Variants in SGCZ observed in about 807,000 individuals in gnomAD.
SGCZ encodes sarcoglycan zeta.
In SGCZ, 40 loss-of-function variants were observed where a neutral mutation model predicts 41.3. The observed-to-expected ratio is 0.97, with a 90% confidence interval of 0.75 to 1.26. SGCZ has a LOEUF of 1.26. SGCZ is among the 50% of genes most tolerant of loss of function. SGCZ has a pLI of 0.00. For synonymous variants in SGCZ, 206 were observed against 137.5 expected, an observed-to-expected ratio of 1.50 and a Z score of -3.49; for missense variants, 552 against 369.8, an observed-to-expected ratio of 1.49 and a Z score of -4.04.
At chr8:14,233,982 T>A (rs79501277) in intron 4 of SGCZ, among the ~76,000 whole-genome samples, 5,040 of 152,010 alleles carry the variant, frequency 0.033, 124 homozygotes, top group South Asian at 0.07. Flanking sequence ...GAAGAGAAAT[T>A]TGGAGGAAGA....
At chr8:14,554,952 GA>G (rs1563407702) in intron 1 of SGCZ, 26 bp from the exon 2 acceptor site, 1 of 1,437,316 alleles carries the variant, frequency 7.0e-7, no homozygotes, top group South Asian at 1.6e-5. Flanking sequence ...GAAAGAAAGA[GA>G]AAGAAGGAAA....
At chr8:14,473,825 C>T (rs1037832680) in intron 2 of SGCZ, among the ~76,000 whole-genome samples, 4 of 151,448 alleles carry the variant, frequency 2.6e-5, no homozygotes, top group African/African-American at 9.7e-5. Flanking sequence ...GTAGTCCCAG[C>T]TACTCGGGAA....
chr8:15,045,359 G>A (rs1286151190), intron 1 of SGCZ, among the ~76,000 whole-genome samples: 1 of 151,976 alleles, frequency 6.6e-6, no homozygotes, highest in East Asian at 1.9e-4. Context: ...CTTATCCAGT[G>A]GTAAAGCAAT....
chr8:14,744,423 G>C (rs1313856391), intron 1 of SGCZ, among the ~76,000 whole-genome samples: 2 of 152,080 alleles, frequency 1.3e-5, no homozygotes, highest in Non-Finnish European at 2.9e-5. Flanking sequence ...CTATCCATAG[G>C]GCTTGGTCTG....
chr8:14,947,780 C>T (rs972585042), intron 1 of SGCZ, among the ~76,000 whole-genome samples: 1 of 152,146 alleles, frequency 6.6e-6, no homozygotes, highest in South Asian at 2.1e-4. Flanking sequence ...CAGGGCATCT[C>T]GTTCAGTATA....
At chr8:14,500,018 T>G (rs765454646) in intron 2 of SGCZ, among the ~76,000 whole-genome samples, 21 of 152,088 alleles carry the variant, frequency 1.4e-4, no homozygotes, top group Non-Finnish European at 2.9e-4. Context: ...AATCTTTTCC[T>G]TAACATTACA....
intron 2 of SGCZ, among the ~76,000 whole-genome samples, chr8:14,356,712 C>T (rs2117118949): frequency 6.6e-6 from 1 of 151,888 alleles, no homozygotes; most frequent in East Asian, 1.9e-4. Flanking sequence ...AAAATTAAAC[C>T]TATTTGATTA....
chr8:14,977,100 G>A (rs1424621650), intron 1 of SGCZ, among the ~76,000 whole-genome samples: 1 of 152,092 alleles, frequency 6.6e-6, no homozygotes, highest in African/African-American at 2.4e-5. Flanking sequence ...TCCTTTTCAC[G>A]GAAAGTATTT....
intron 1 of SGCZ, among the ~76,000 whole-genome samples, chr8:15,213,014 G>C (rs1801284267): frequency 6.6e-6 from 1 of 151,852 alleles, no homozygotes; most frequent in African/African-American, 2.4e-5. Flanking sequence ...AATGAAAAGT[G>C]ATAAAATTAA....
intron 1 of SGCZ, among the ~76,000 whole-genome samples, chr8:14,822,716 T>C (rs1004065033): frequency 6.6e-6 from 1 of 151,904 alleles, no homozygotes; most frequent in Admixed American, 6.6e-5. Flanking sequence ...GCCAAGAACA[T>C]TGGGGATAAG....
At chr8:14,278,899 T>C (rs994534128) in intron 3 of SGCZ, among the ~76,000 whole-genome samples, 1 of 152,130 alleles carries the variant, frequency 6.6e-6, no homozygotes, top group African/African-American at 2.4e-5. Context: ...TTTTAAATGG[T>C]CAGCCCACAA....
intron 1 of SGCZ, among the ~76,000 whole-genome samples, chr8:15,101,215 G>A (rs926842865): frequency 4.6e-5 from 7 of 152,094 alleles, no homozygotes; most frequent in Admixed American, 1.3e-4. Flanking sequence ...CACACCAAAT[G>A]TATAATCCAT....
intron 1 of SGCZ, among the ~76,000 whole-genome samples, chr8:15,104,348 A>T (rs1806734124): frequency 6.6e-6 from 1 of 152,232 alleles, no homozygotes; most frequent in Non-Finnish European, 1.5e-5. Flanking sequence ...GATAAAAGCT[A>T]CAAGGATTTG....
At chr8:14,981,295 T>A (rs959038088) in intron 1 of SGCZ, among the ~76,000 whole-genome samples, 1 of 152,232 alleles carries the variant, frequency 6.6e-6, no homozygotes, top group Non-Finnish European at 1.5e-5. Context: ...CTTATTATTA[T>A]CAGGATATAT....
intron 1 of SGCZ, among the ~76,000 whole-genome samples, chr8:14,960,493 C>A (rs1244978663): frequency 6.6e-6 from 1 of 152,088 alleles, no homozygotes. Flanking sequence ...AAGTACCAAT[C>A]TCTGTTGTAT....
In SGCZ at chr8:14,536,709, T is replaced by C. The variant is rs1056234646; in HGVS notation, c.234+18023A>G. 2.6e-4 allele frequency among the ~76,000 whole-genome samples: 40 copies of C among 151,884 alleles called. 1 individual carries two copies. The highest frequency in any genetic ancestry group is 1.5e-3 in the Admixed American group (23 of 15,184). ...TATGCTGCTCAAAGCAGTCTGTGTG[T>C]CCATGTATAAGTGTAGAAGATCATG... On this transcript the variant is annotated intron_variant, in intron 2 of 7. Coordinates refer to ENST00000382080, the MANE Select transcript of SGCZ (RefSeq NM_139167.4).
At chr8:14,867,258 C>A (rs924851157) in intron 1 of SGCZ, among the ~76,000 whole-genome samples, 16 of 152,112 alleles carry the variant, frequency 1.1e-4, no homozygotes, top group African/African-American at 3.4e-4. Context: ...CGATCTCCAT[C>A]CATATCCCTG....
rs868635221 is a variant in SGCZ, at chr8:14,588,208, A to G, written c.40-33282T>C. 7.5e-3 allele frequency among the ~76,000 whole-genome samples: 1,144 copies of G among 152,076 alleles called. 16 individuals carry two copies. Among genetic ancestry groups the G allele is most frequent in the African/African-American group, 0.026 (1,087 of 41,524 alleles). On this transcript the variant is annotated intron_variant, in intron 1 of 7. Coordinates refer to ENST00000382080, the MANE Select transcript of SGCZ (RefSeq NM_139167.4). Reference sequence around the variant, plus strand: ...CCATTGATTACCCAGAAGAAAAAAAAAAAAACTGCCTCATCCATCTGCTAA... The same window carrying G: ...CCATTGATTACCCAGAAGAAAAAAAGAAAAACTGCCTCATCCATCTGCTAA...
At chr8:14,317,978 A>G (rs979950) in intron 3 of SGCZ, among the ~76,000 whole-genome samples, 54,222 of 151,740 alleles carry the variant, frequency 0.36, 10,811 homozygotes, top group South Asian at 0.51. Flanking sequence ...ATTAGAAAAA[A>G]AAAAAAACTT....
Sources: allele counts gnomAD v4.1 joint callset (sites outside exome capture counted in the v4.1 genomes callset), GRCh38; gene constraint gnomAD v4.1.1; transcripts MANE v1.5; gene names NCBI Gene and HGNC (gene_info 2026-07-23, HGNC 2026-07-21).